CENPP: variants seen among roughly 807,000 people sequenced by gnomAD.
CENPP encodes centromere protein P.
In CENPP, 24 loss-of-function variants were observed where a neutral mutation model predicts 35.6. The ratio of observed to expected loss-of-function variants is 0.67; its 90% CI spans 0.49 to 0.95. The LOEUF is 0.95. Among genes scored for constraint, CENPP ranks in the 40% least tolerant of loss-of-function variants. CENPP has a pLI of 0.00. For synonymous variants in CENPP, 120 were observed against 125.5 expected, an observed-to-expected ratio of 0.96 and a Z score of 0.29; for missense variants, 332 against 345.3, an observed-to-expected ratio of 0.96 and a Z score of 0.31.
intron 5 of CENPP, among the ~76,000 whole-genome samples, chr9:92,452,693 G>A (rs978119940): frequency 1.4e-4 from 22 of 152,160 alleles, no homozygotes; most frequent in African/African-American, 4.8e-4. Context: ...CCTCCTTGTA[G>A]CTCTGGTAGA....
At chr9:92,538,084 T>C (rs1849232911) in intron 5 of CENPP, among the ~76,000 whole-genome samples, 1 of 152,152 alleles carries the variant, frequency 6.6e-6, no homozygotes, top group South Asian at 2.1e-4. Flanking sequence ...ATTTCACCTC[T>C]AGGAACCCAT....
At chr9:92,565,940 A>G (rs182237673) in intron 5 of CENPP, among the ~76,000 whole-genome samples, 5 of 152,310 alleles carry the variant, frequency 3.3e-5, no homozygotes, top group Admixed American at 1.3e-4. Flanking sequence ...GAAGGAAAAG[A>G]GTCTGATTCT....
At chr9:92,536,858 C>A (rs1195627085) in intron 5 of CENPP, among the ~76,000 whole-genome samples, 1 of 142,810 alleles carries the variant, frequency 7.0e-6, no homozygotes, top group Non-Finnish European at 1.5e-5. Context: ...AATTTTAGAA[C>A]TATTTTTTAA....
intron 5 of CENPP, chr9:92,494,003 C>T (rs1846243212): frequency 6.9e-7 from 1 of 1,441,328 alleles, no homozygotes; most frequent in Non-Finnish European, 9.5e-7. Flanking sequence ...CCCCAGTGTG[C>T]TCGTCGCATT....
chr9:92,352,491 G>GTATATACA (rs1841476313), intron 4 of CENPP, among the ~76,000 whole-genome samples: 1 of 91,458 alleles, frequency 1.1e-5, no homozygotes, highest in African/African-American at 7.1e-5. Context: ...GTGTGTGTGT[G>GTATATACA]TGTGTGTGTG....
intron 5 of CENPP, chr9:92,501,094 A>C: frequency 1.3e-6 from 2 of 1,579,930 alleles, no homozygotes; most frequent in Non-Finnish European, 1.7e-6. Context: ...GGACATCAGG[A>C]TGGTGATCAT....
At chr9:92,592,058 A>G (rs1230048670) in intron 5 of CENPP, among the ~76,000 whole-genome samples, 1 of 152,030 alleles carries the variant, frequency 6.6e-6, no homozygotes, top group Non-Finnish European at 1.5e-5. Context: ...TATAAAAAAA[A>G]ATAGACATAC....
At chr9:92,474,717 C>A (rs563486617) in intron 5 of CENPP, 64 of 1,612,574 alleles carry the variant, frequency 4.0e-5, no homozygotes, top group Non-Finnish European at 5.1e-5. Flanking sequence ...CTTCTTGGCT[C>A]TCTTGTTGGA....
intron 5 of CENPP, chr9:92,522,439 TATA>T: frequency 9.9e-7 from 1 of 1,010,296 alleles, no homozygotes; most frequent in South Asian, 2.1e-5. Context: ...CAAAAAGTAA[TATA>T]ATAACCTGGA....
intron 5 of CENPP, chr9:92,401,167 T>G: frequency 1.3e-6 from 2 of 1,496,454 alleles, no homozygotes; most frequent in Non-Finnish European, 1.9e-6. Flanking sequence ...TCATTGGGTA[T>G]TATCACAGTT....
chr9:92,554,746 T>G (rs888315086), intron 5 of CENPP, among the ~76,000 whole-genome samples: 7 of 151,998 alleles, frequency 4.6e-5, no homozygotes, highest in African/African-American at 1.7e-4. Flanking sequence ...CAAGCAAGTT[T>G]CCTGCCTCAG....
intron 5 of CENPP, among the ~76,000 whole-genome samples, chr9:92,488,208 A>C (rs1846105557): frequency 6.6e-6 from 1 of 152,236 alleles, no homozygotes; most frequent in South Asian, 2.1e-4. Flanking sequence ...GGGTATGTAG[A>C]TGCTCATTGT....
At chr9:92,430,945 A>G (rs1844092160) in intron 5 of CENPP, among the ~76,000 whole-genome samples, 1 of 151,758 alleles carries the variant, frequency 6.6e-6, no homozygotes, top group African/African-American at 2.4e-5. Flanking sequence ...ACAGGTGCAC[A>G]CCACCACTCC....
chr9:92,569,867 T>C (rs1007918521), intron 5 of CENPP, among the ~76,000 whole-genome samples: 1 of 152,218 alleles, frequency 6.6e-6, no homozygotes, highest in Non-Finnish European at 1.5e-5. Context: ...TCACTCATGA[T>C]TTGGCTCTCT....
At chr9:92,551,929 A>C (rs62572542) in intron 5 of CENPP, among the ~76,000 whole-genome samples, 5 of 50,920 alleles carry the variant, frequency 9.8e-5, no homozygotes, top group African/African-American at 6.7e-4. Context: ...GTGTGTGTAT[A>C]TATATATATA....
At chr9:92,572,736 T>C (rs1224323492) in intron 5 of CENPP, among the ~76,000 whole-genome samples, 2 of 152,256 alleles carry the variant, frequency 1.3e-5, no homozygotes, top group Non-Finnish European at 2.9e-5. Context: ...CAATCAGATG[T>C]AGATTTGGTC....
In CENPP at chr9:92,619,433, G is replaced by A; in HGVS notation, c.*6284G>A. ...CTATCCTATTAACAATTCACCAACT[G>A]TCCATAAAACCCCGTTAGACCCAGG... is the stretch of plus-strand genomic sequence containing the variant. On this transcript the variant is annotated 3_prime_UTR_variant, in exon 8 of 8. Transcript: ENST00000375587. 1 of 1,380,516 alleles carries A rather than the reference G, an allele frequency of 7.2e-7. No individual in the cohort carries two copies. Among genetic ancestry groups the A allele is most frequent in the Admixed American group, 2.0e-5 (1 of 50,854 alleles). 85.5% of individuals were successfully genotyped at this position (1,380,516 alleles called of 1,614,324 possible). A position where few individuals can be genotyped will look rare whatever the true frequency, so the allele number is the denominator to read the frequency against.
At chr9:92,391,602 C>CA (rs376166761) in intron 5 of CENPP, among the ~76,000 whole-genome samples, 7 of 151,678 alleles carry the variant, frequency 4.6e-5, no homozygotes, top group Admixed American at 4.6e-4. Context: ...CTGTCTCAAA[C>CA]AAAAAAACCC....
At chr9:92,398,399 C>T (rs748404544) in intron 5 of CENPP, among the ~76,000 whole-genome samples, 40 of 152,248 alleles carry the variant, frequency 2.6e-4, no homozygotes, top group African/African-American at 8.4e-4. Flanking sequence ...AAAGTATATA[C>T]GCAGAGAACT....
Sources: gnomAD v4.1 joint callset for allele counts (sites outside exome capture counted in the v4.1 genomes callset) on GRCh38, gnomAD v4.1.1 for gene constraint, MANE v1.5 for transcripts, NCBI Gene and HGNC (gene_info 2026-07-23, HGNC 2026-07-21) for gene names.